TRDN: variants seen among roughly 807,000 people sequenced by gnomAD.
TRDN encodes triadin in skeletal muscle.
Under a neutral mutation model 149.7 loss-of-function variants are expected in TRDN, and 161 were observed. That is an observed-to-expected ratio of 1.08 (90% confidence interval 0.95 to 1.23). TRDN has a LOEUF of 1.23. Ranked by LOEUF, TRDN falls within the 50% of genes most tolerant of loss-of-function variation. TRDN has a pLI of 0.00. For synonymous variants in TRDN, 294 were observed against 250.5 expected (o/e 1.17, Z -1.64); for missense variants, 896 against 823.5 (o/e 1.09, Z -1.08).
intron 37 of TRDN, among the ~76,000 whole-genome samples, chr6:123,254,164 T>C (rs146172708): frequency 1.6e-4 from 24 of 152,224 alleles, no homozygotes; most frequent in Non-Finnish European, 2.9e-4. Context: ...TTCTGGCTGA[T>C]TATCTCAAAG....
At chr6:123,366,302 C>G (rs952835689) in intron 19 of TRDN, 120 bp from the exon 20 acceptor site, 24 of 908,454 alleles carry the variant, frequency 2.6e-5, no homozygotes, top group Non-Finnish European at 3.9e-5. Context: ...GCAAAGCAAG[C>G]TGTAGAGAAA....
chr6:123,293,332 G>A (rs981737104), intron 24 of TRDN, among the ~76,000 whole-genome samples: 3 of 152,078 alleles, frequency 2.0e-5, no homozygotes, highest in Non-Finnish European at 2.9e-5. Flanking sequence ...CTGAAAAATT[G>A]TGTATCTATA....
intron 1 of TRDN, among the ~76,000 whole-genome samples, chr6:123,574,046 A>G (rs556711918): frequency 6.6e-6 from 1 of 152,188 alleles, no homozygotes; most frequent in South Asian, 2.1e-4. Flanking sequence ...AGAAAATCAA[A>G]TGCATTCAAG....
intron 9 of TRDN, chr6:123,470,314 T>C (rs911675514): frequency 4.6e-5 from 7 of 152,176 alleles, no homozygotes; most frequent in African/African-American, 1.7e-4. Context: ...CAGGCAATTA[T>C]CACCTAACTT....
At chr6:123,633,617 AATTATCTTT>A (rs1427225447) in intron 1 of TRDN, among the ~76,000 whole-genome samples, 1 of 152,030 alleles carries the variant, frequency 6.6e-6, no homozygotes, top group East Asian at 1.9e-4. Context: ...TTGCTGTTAT[AATTATCTTT>A]ATTAATTTAT....
rs11373802 is a variant in TRDN, at chr6:123,260,644, G to GAAAAA, written c.1805-11_1805-7dup. 3.3e-5 allele frequency: 35 copies of GAAAAA among 1,064,070 alleles called. No individual in the cohort carries two copies. Among genetic ancestry groups the GAAAAA allele is most frequent in the South Asian group, 1.2e-4 (6 of 49,234 alleles). 65.9% of individuals were successfully genotyped at this position (1,064,070 alleles called of 1,614,324 possible). A position where few individuals can be genotyped will look rare whatever the true frequency, so the allele number is the denominator to read the frequency against. The stretch of plus-strand genomic sequence containing the variant: ...TGTGACTTCTGATGTTCCTTCTTTA[G>GAAAAA]AAAAAAAAAAAAAAAGAATGTAGAA... On this transcript the variant is annotated splice_polypyrimidine_tract_variant and splice_region_variant and intron_variant, in intron 33 of 40. Coordinates refer to ENST00000334268, the MANE Select transcript of TRDN (RefSeq NM_006073.4).
At chr6:123,452,500 G>A (rs1172437555) in intron 10 of TRDN, among the ~76,000 whole-genome samples, 4 of 9,604 alleles carry the variant, frequency 4.2e-4, no homozygotes, top group Non-Finnish European at 6.5e-4. Flanking sequence ...TTTTACAATA[G>A]TTGCAAAAAA....
intron 1 of TRDN, among the ~76,000 whole-genome samples, chr6:123,571,402 G>A (rs1782570429): frequency 6.6e-6 from 1 of 152,032 alleles, no homozygotes; most frequent in South Asian, 2.1e-4. Context: ...TGATAAAATG[G>A]TTCAAATGGA....
chr6:123,249,804 C>A (rs1024774821), intron 38 of TRDN, among the ~76,000 whole-genome samples: 2 of 151,792 alleles, frequency 1.3e-5, no homozygotes, highest in African/African-American at 4.8e-5. Context: ...ATGTCCTAGC[C>A]GGAACAATCA....
intron 1 of TRDN, among the ~76,000 whole-genome samples, chr6:123,631,051 C>G (rs1785972687): frequency 1.3e-5 from 2 of 151,772 alleles, no homozygotes; most frequent in African/African-American, 2.4e-5. Context: ...TTCTTTCTCC[C>G]AGCTCTGCAC....
At chr6:123,277,469 T>C (rs1777409852) in intron 26 of TRDN, among the ~76,000 whole-genome samples, 1 of 152,124 alleles carries the variant, frequency 6.6e-6, no homozygotes, top group South Asian at 2.1e-4. Flanking sequence ...GTAAATAGGG[T>C]TATTGCAGAT....
chr6:123,519,234 T>C (rs1025427505), intron 5 of TRDN, among the ~76,000 whole-genome samples: 1 of 152,176 alleles, frequency 6.6e-6, no homozygotes, highest in African/African-American at 2.4e-5. Flanking sequence ...ATGGCCCTGA[T>C]GTCTGGCATC....
At chr6:123,289,209 A>G (rs375561514) in intron 24 of TRDN, among the ~76,000 whole-genome samples, 3 of 150,668 alleles carry the variant, frequency 2.0e-5, no homozygotes, top group African/African-American at 7.3e-5. Context: ...CTTAAAAAAA[A>G]GAAGAAAATT....
At chr6:123,578,976 C>T (rs1782989326) in intron 1 of TRDN, among the ~76,000 whole-genome samples, 1 of 152,040 alleles carries the variant, frequency 6.6e-6, no homozygotes, top group African/African-American at 2.4e-5. Flanking sequence ...TATAGGAATG[C>T]TACTGATTTT....
At chr6:123,481,720 C>G (rs1361109464) in intron 9 of TRDN, among the ~76,000 whole-genome samples, 2 of 152,104 alleles carry the variant, frequency 1.3e-5, no homozygotes, top group Non-Finnish European at 2.9e-5. Context: ...TCATCTCTGA[C>G]AAACAATCTC....
intron 38 of TRDN, among the ~76,000 whole-genome samples, chr6:123,228,141 AC>A (rs1775457735): frequency 6.6e-6 from 1 of 151,916 alleles, no homozygotes; most frequent in Non-Finnish European, 1.5e-5. Context: ...AAATGTTAAC[AC>A]TTTTCACCTC....
At chr6:123,243,666 A>G (rs1776070772) in intron 38 of TRDN, among the ~76,000 whole-genome samples, 1 of 152,182 alleles carries the variant, frequency 6.6e-6, no homozygotes. Flanking sequence ...TTATCAAGTA[A>G]AAGAAAATCA....
intron 13 of TRDN, among the ~76,000 whole-genome samples, chr6:123,392,357 A>G (rs1772523153): frequency 6.6e-6 from 1 of 151,970 alleles, no homozygotes; most frequent in Non-Finnish European, 1.5e-5. Flanking sequence ...TAACTAACAC[A>G]AAATTCTTGC....
rs369229299 is a variant in TRDN, at chr6:123,529,647, A to C, written c.484+859T>G. Among the ~76,000 whole-genome samples the C allele has an allele frequency of 2.0e-5, 3 of 152,050 alleles. No homozygotes were observed. In the East Asian group the frequency reaches 5.8e-4, roughly 29 times the overall value. On this transcript the variant is annotated intron_variant, in intron 5 of 40. Transcript: ENST00000334268. ...TGGTATTTACTACAGATAATTTTGC[A>C]TTAGCTGGTTTATGACATAGTAAAT...
Sources: allele counts gnomAD v4.1 joint callset (sites outside exome capture counted in the v4.1 genomes callset), GRCh38; gene constraint gnomAD v4.1.1; transcripts MANE v1.5; gene names NCBI Gene and HGNC (gene_info 2026-07-23, HGNC 2026-07-21).